Variants in EFHC1 observed in about 807,000 individuals in gnomAD.
EFHC1 encodes EF-hand domain-containing protein 1.
A neutral mutation model predicts 69.9 loss-of-function variants in EFHC1; 53 were observed. The ratio of observed to expected loss-of-function variants is 0.76; its 90% confidence interval spans 0.61 to 0.95. The LOEUF (loss-of-function observed/expected upper bound fraction) is 0.95. Among genes scored for constraint, EFHC1 ranks in the 40% least tolerant of loss-of-function variants. The pLI is 0.00. For synonymous variants in EFHC1, 256 were observed against 278.4 expected (o/e 0.92, Z 0.80); for missense variants, 739 against 798.7 (o/e 0.93, Z 0.90).
chr6:52,456,008 A>G (rs1041337699), intron 5 of EFHC1, among the ~76,000 whole-genome samples: 4 of 152,256 alleles, frequency 2.6e-5, no homozygotes, highest in Admixed American at 2.6e-4. Context: ...ACACATGCAA[A>G]ACATAGTACA....
chr6:52,420,793 G>C (rs1318241654), intron 1 of EFHC1, among the ~76,000 whole-genome samples: 1 of 151,878 alleles, frequency 6.6e-6, no homozygotes, highest in Non-Finnish European at 1.5e-5. Flanking sequence ...CCAAGCCCCT[G>C]CCTCTTGTCC....
chr6:52,422,037 C>CA (rs773821548), intron 1 of EFHC1, among the ~76,000 whole-genome samples: 24 of 152,264 alleles, frequency 1.6e-4, no homozygotes, highest in Non-Finnish European at 2.9e-4. Context: ...AAAGCATCGT[C>CA]AGTATATCTT....
chr6:52,486,455 T>TA (rs1257522082), intron 9 of EFHC1: 1 of 152,212 alleles, frequency 6.6e-6, no homozygotes, highest in African/African-American at 2.4e-5. Flanking sequence ...CTTGTTCCAT[T>TA]AACATGCCTA....
chr6:52,448,170 G>T (rs1764831161), intron 3 of EFHC1, among the ~76,000 whole-genome samples: 1 of 152,206 alleles, frequency 6.6e-6, no homozygotes, highest in Admixed American at 6.5e-5. Flanking sequence ...GCCCTCAGAG[G>T]TGGAGTCTAC....
Position 52,439,909 on chromosome 6 carries a change from G to A in EFHC1, c.573+1318G>A, listed in dbSNP as rs565794847. On this transcript the variant is annotated intron_variant, in intron 3 of 10. Transcript: ENST00000371068. ...ATATATCATAGGCAGTTTCACAATTGTACCAACAGTGAGAAATGATAAAAT... is the reference window on the plus strand; with the variant it reads ...ATATATCATAGGCAGTTTCACAATTATACCAACAGTGAGAAATGATAAAAT... Among the ~76,000 whole-genome samples, 9 of 152,156 alleles carry A rather than the reference G, an allele frequency of 5.9e-5. No homozygotes were observed. The South Asian group carries it at 1.9e-3, about 32-fold the overall frequency.
Position 52,496,566 on chromosome 6 carries a change from CA to C in EFHC1, c.*4226del, listed in dbSNP as rs1375894699. ...GTGACTCCTGAGTATCCTGCTGGCA[CA>C]TAAGTTCATTTTAAAAAGCCAATAT... On this transcript the variant is annotated 3_prime_UTR_variant, in exon 11 of 11. Coordinates refer to ENST00000371068, the MANE Select transcript of EFHC1 (RefSeq NM_018100.4). The C allele has an allele frequency of 1.3e-5, 2 of 152,170 alleles. No homozygotes were observed. Among genetic ancestry groups the C allele is most frequent in the African/African-American group, 4.8e-5 (2 of 41,432 alleles). 9.4% of individuals were successfully genotyped at this position (152,170 alleles called of 1,614,324 possible).
At chr6:52,454,964 C>T (rs1377751816) in intron 5 of EFHC1, among the ~76,000 whole-genome samples, 1 of 152,102 alleles carries the variant, frequency 6.6e-6, no homozygotes, top group African/African-American at 2.4e-5. Flanking sequence ...TGGTGCCGCA[C>T]ACCTGTATTC....
Position 52,494,688 on chromosome 6 carries a change from C to A in EFHC1, c.*2347C>A, listed in dbSNP as rs754895844. ...CCAGTAAGTAGTTTTTCCACACATA[C>A]CCCCTCCTTCCCTTCCCACTCTGGT... On this transcript the variant is annotated 3_prime_UTR_variant, in exon 11 of 11. Transcript: ENST00000371068. The A allele has an allele frequency of 1.8e-5, 8 of 454,010 alleles. 1 individual carries two copies. The highest frequency in any genetic ancestry group is 1.4e-3 in the Middle Eastern group (2 of 1,444). The allele number at this position is 454,010 out of a possible 1,614,324, so 28.1% of individuals were successfully genotyped here. A position where few individuals can be genotyped will look rare whatever the true frequency, so the allele number is the denominator to read the frequency against.
rs73740379 is a variant in EFHC1 at position 52,452,743 on chromosome 6, A to T, written c.629A>T (p.Asp210Val). ...ELNPPEKMAL[D>V]PYTELRKQPL... ...AATCCACCAGAGAAGATGGCTCTTG[A>T]TCCTTACACTGAACTCCGAAAACAG... is the stretch of plus-strand genomic sequence containing the variant. Residue 210 changes from aspartate (D) to valine (V), a missense_variant, in exon 4 of 11, where the codon GAT becomes GTT. Physicochemically the swap from Asp to Val is radical, Grantham distance 152. Transcript: ENST00000371068. 7.0e-4 allele frequency: 1,133 copies of T among 1,614,224 alleles called. 11 individuals carry two copies. The African/African-American group carries it at 0.013, about 18-fold the overall frequency.
At chr6:52,433,023 G>T (rs1241494875) in intron 2 of EFHC1, among the ~76,000 whole-genome samples, 1 of 151,788 alleles carries the variant, frequency 6.6e-6, no homozygotes, top group Non-Finnish European at 1.5e-5. Flanking sequence ...CACATCCATT[G>T]TTTCCTGAAG....
At chr6:52,427,382 G>C (rs1483627990) in intron 2 of EFHC1, among the ~76,000 whole-genome samples, 1 of 152,064 alleles carries the variant, frequency 6.6e-6, no homozygotes, top group East Asian at 1.9e-4. Flanking sequence ...TCCTTGAAAT[G>C]GCAGCATTTG....
chr6:52,483,153 C>T lies in EFHC1; in HGVS notation c.1640+3366C>T, dbSNP rs544036573. 36 of 302,750 alleles carry T rather than the reference C, an allele frequency of 1.2e-4. No homozygotes were observed. The Middle Eastern group carries it at 7.2e-3, about 60-fold the overall frequency. The allele number at this position is 302,750 out of a possible 1,614,324, so 18.8% of individuals were successfully genotyped here. On this transcript the variant is annotated intron_variant, in intron 9 of 10. Transcript: ENST00000371068. ...TACATTGTGGTTAGTGGACTAAAGT[C>T]CTGACAGATAAGTTTGTACTTTATG...
chr6:52,479,228 C>A lies in EFHC1; in HGVS notation c.1470C>A (p.Phe490Leu). The change falls in exon 8 of 11, where the codon TTC becomes TTA. Residue 490 changes from phenylalanine to leucine, a missense_variant. Physicochemically the swap from Phe to Leu is conservative, Grantham distance 22. Transcript: ENST00000371068. ...DNPVYYGPSDFFIGAVIEVFG... is the reference protein window; with the variant it reads ...DNPVYYGPSDLFIGAVIEVFG... ...CTGTCTACTATGGCCCCAGTGACTT[C>A]TTCATTGGTGCTGTGATTGAAGGTA... The A allele has an allele frequency of 6.2e-7, 1 of 1,614,088 alleles. No individual in the cohort carries two copies.
chr6:52,429,694 A>G (rs1334052758), intron 2 of EFHC1, among the ~76,000 whole-genome samples: 1 of 152,068 alleles, frequency 6.6e-6, no homozygotes, highest in African/African-American at 2.4e-5. Flanking sequence ...TAGGTTCTAT[A>G]TGAAGTTTAG....
At position 52,424,204 on chromosome 6, in the gene EFHC1, G is replaced by A. The variant is rs772699068; in HGVS notation, c.285+37G>A. 20 of 1,591,182 alleles carry A rather than the reference G, an allele frequency of 1.3e-5. No individual in the cohort carries two copies. The South Asian group carries it at 1.7e-4, about 13-fold the overall frequency. On this transcript the variant is annotated intron_variant, in intron 2 of 10. Transcript: ENST00000371068. The stretch of plus-strand genomic sequence containing the variant: ...AATTTTAGGGTACCCCTTGAATTAG[G>A]GTCTGAGAGCCAACTGCTTGCAAAA...
rs766874585 is a variant in EFHC1, at chr6:52,469,420, G to A, written c.1225G>A (p.Val409Ile). 9.9e-6 allele frequency: 16 copies of A among 1,613,976 alleles called. No homozygotes were observed. The highest frequency in any genetic ancestry group is 4.4e-5 in the South Asian group (4 of 91,066). The change falls in exon 7 of 11, where the codon GTT becomes ATT. Residue 409 changes from valine to isoleucine, a missense_variant. Transcript: ENST00000371068. ...ALIPKAPKKD[V>I]IKMLVNDNKV... Reference sequence around the variant, plus strand: ...CATTCCAAAAGCTCCAAAAAAAGACGTTATTAAAATGCTGGTGAATGATAA... The same window carrying A: ...CATTCCAAAAGCTCCAAAAAAAGACATTATTAAAATGCTGGTGAATGATAA...
intron 3 of EFHC1, among the ~76,000 whole-genome samples, chr6:52,444,825 C>T (rs995908912): frequency 1.3e-5 from 2 of 152,188 alleles, no homozygotes; most frequent in African/African-American, 4.8e-5. Flanking sequence ...GGGAGGATTC[C>T]CTCTTTTTCT....
chr6:52,443,177 C>G (rs1764703560), intron 3 of EFHC1, among the ~76,000 whole-genome samples: 1 of 152,118 alleles, frequency 6.6e-6, no homozygotes, highest in Non-Finnish European at 1.5e-5. Flanking sequence ...TTTGTAGATT[C>G]TGGATATTAG....
rs771364024 is a variant in EFHC1 at position 52,494,777 on chromosome 6, A to G, written c.*2436A>G. 2.2e-6 allele frequency: 1 copy of G among 452,000 alleles called. No individual in the cohort carries two copies. The highest frequency in any genetic ancestry group is 1.6e-5 in the South Asian group (1 of 64,334). 28.0% of individuals were successfully genotyped at this position (452,000 alleles called of 1,614,324 possible). On this transcript the variant is annotated 3_prime_UTR_variant, in exon 11 of 11. Transcript: ENST00000371068. ...TGTATTCAATGTTTAGCTCCCACTT[A>G]GAAGTAAGAACATGCAATATTTGGT...
Sources: allele counts gnomAD v4.1 joint callset (sites outside exome capture counted in the v4.1 genomes callset), GRCh38; gene constraint gnomAD v4.1.1; transcripts MANE v1.5; gene names NCBI Gene and HGNC (gene_info 2026-07-23, HGNC 2026-07-21).